Variants in CNTNAP4 observed in about 807,000 individuals in gnomAD.
CNTNAP4 encodes the protein contactin-associated protein-like 4.
In CNTNAP4, 98 loss-of-function variants were observed where a neutral mutation model predicts 148.4. The ratio of observed to expected loss-of-function variants is 0.66; its 90% CI spans 0.56 to 0.78. CNTNAP4 has a LOEUF of 0.78. Ranked by LOEUF, CNTNAP4 falls within the 30% of genes least tolerant of loss-of-function variation. The pLI is 0.00. For missense variants in CNTNAP4, 1,935 were observed against 1,565.6 expected, an observed-to-expected ratio of 1.24 and a Z score of -3.98; for synonymous variants, 730 against 565.1, an observed-to-expected ratio of 1.29 and a Z score of -4.14.
chr16:76,300,080 C>T (rs184028044), intron 1 of CNTNAP4, among the ~76,000 whole-genome samples: 14 of 152,008 alleles, frequency 9.2e-5, no homozygotes, highest in East Asian at 5.8e-4. Context: ...ACCAACACGG[C>T]GCATGTATAC....
At chr16:76,500,087 G>A (rs1013540175) in intron 15 of CNTNAP4, among the ~76,000 whole-genome samples, 6 of 152,108 alleles carry the variant, frequency 3.9e-5, no homozygotes, top group Non-Finnish European at 8.8e-5. Context: ...CCTCCCTGAC[G>A]GGGTGGCGGC....
chr16:76,345,083 C>G (rs183911056), intron 2 of CNTNAP4, among the ~76,000 whole-genome samples: 2 of 152,342 alleles, frequency 1.3e-5, no homozygotes, highest in East Asian at 1.9e-4. Context: ...TGAATGGTCT[C>G]TTGGCAAAGA....
At chr16:76,408,524 G>A (rs984476431) in intron 3 of CNTNAP4, among the ~76,000 whole-genome samples, 10 of 151,190 alleles carry the variant, frequency 6.6e-5, no homozygotes, top group South Asian at 2.1e-4. Context: ...TTTCTCCCCC[G>A]TGCAACTCTT....
chr16:76,523,887 G>A (rs777670074), intron 17 of CNTNAP4, among the ~76,000 whole-genome samples: 17 of 152,262 alleles, frequency 1.1e-4, no homozygotes, highest in Middle Eastern at 3.4e-3. Context: ...CTATGATCAC[G>A]CTACTGCACT....
chr16:76,289,320 G>T (rs931761301), intron 1 of CNTNAP4, among the ~76,000 whole-genome samples: 2 of 152,084 alleles, frequency 1.3e-5, no homozygotes, highest in Admixed American at 6.5e-5. Context: ...ACTCCATCCA[G>T]TTTGGACTTC....
At chr16:76,317,977 C>T (rs946583669) in intron 2 of CNTNAP4, among the ~76,000 whole-genome samples, 1 of 151,862 alleles carries the variant, frequency 6.6e-6, no homozygotes, top group Non-Finnish European at 1.5e-5. Context: ...ATAATGCTAG[C>T]GTTTTCTTTT....
chr16:76,474,582 T>C (rs2081495686), intron 10 of CNTNAP4, among the ~76,000 whole-genome samples: 1 of 152,180 alleles, frequency 6.6e-6, no homozygotes, highest in South Asian at 2.1e-4. Flanking sequence ...ATCACAAATG[T>C]GTTCTTGCAG....
intron 18 of CNTNAP4, among the ~76,000 whole-genome samples, chr16:76,537,560 T>C (rs1470082566): frequency 6.6e-6 from 1 of 152,120 alleles, no homozygotes; most frequent in Non-Finnish European, 1.5e-5. Flanking sequence ...TTAGTTCTGT[T>C]TGTTGATCCT....
intron 15 of CNTNAP4, among the ~76,000 whole-genome samples, chr16:76,512,997 G>C (rs779275304): frequency 6.6e-6 from 1 of 152,156 alleles, no homozygotes; most frequent in Non-Finnish European, 1.5e-5. Flanking sequence ...GCCTCAGATA[G>C]ATTCAAGGAA....
intron 2 of CNTNAP4, among the ~76,000 whole-genome samples, chr16:76,324,643 A>C (rs1028428172): frequency 3.9e-5 from 6 of 152,100 alleles, no homozygotes; most frequent in Non-Finnish European, 7.4e-5. Context: ...GTCTGGCTAT[A>C]TGAATAATTA....
At chr16:76,398,245 A>G (rs1344199909) in intron 3 of CNTNAP4, among the ~76,000 whole-genome samples, 1 of 150,046 alleles carries the variant, frequency 6.7e-6, no homozygotes, top group Non-Finnish European at 1.5e-5. Flanking sequence ...ACCCTGGTTG[A>G]GGATGGTTCT....
intron 1 of CNTNAP4, among the ~76,000 whole-genome samples, chr16:76,296,801 A>G (rs1959353512): frequency 1.3e-5 from 2 of 152,170 alleles, no homozygotes; most frequent in African/African-American, 2.4e-5. Context: ...ATTATTGACC[A>G]TATTTGATAC....
chr16:76,288,038 A>G (rs1958958247), intron 1 of CNTNAP4, among the ~76,000 whole-genome samples: 1 of 151,896 alleles, frequency 6.6e-6, no homozygotes, highest in African/African-American at 2.4e-5. Context: ...CCCAAATCTC[A>G]CCTTGAATTG....
chr16:76,393,004 C>T (rs2078079632), intron 3 of CNTNAP4, among the ~76,000 whole-genome samples: 1 of 152,118 alleles, frequency 6.6e-6, no homozygotes, highest in African/African-American at 2.4e-5. Context: ...TCATTTTTAT[C>T]GTAAGTATTT....
chr16:76,544,092 C>G (rs1213151285), intron 21 of CNTNAP4, among the ~76,000 whole-genome samples: 3 of 151,934 alleles, frequency 2.0e-5, no homozygotes, highest in Non-Finnish European at 2.9e-5. Flanking sequence ...GTAATGTGCC[C>G]CAATATTGCT....
At chr16:76,312,190 C>G (rs189283507) in intron 1 of CNTNAP4, among the ~76,000 whole-genome samples, 41 of 152,274 alleles carry the variant, frequency 2.7e-4, no homozygotes, top group African/African-American at 9.9e-4. Context: ...GAAGGCTACC[C>G]TGTGTTTTGT....
chr16:76,460,741 A>C (rs8044099), intron 8 of CNTNAP4, among the ~76,000 whole-genome samples: 28,177 of 96,938 alleles, frequency 0.29, 4,632 homozygotes, highest in Non-Finnish European at 0.39. Context: ...CGACAGAGCC[A>C]GACTCATGTC....
chr16:76,431,538 G>T (rs2079604670), intron 4 of CNTNAP4, among the ~76,000 whole-genome samples: 1 of 152,142 alleles, frequency 6.6e-6, no homozygotes, highest in Admixed American at 6.6e-5. Flanking sequence ...AATTAGCCGG[G>T]CGTGGCAGCG....
chr16:76,423,144 C>T (rs1052806552), intron 3 of CNTNAP4, among the ~76,000 whole-genome samples: 1 of 152,118 alleles, frequency 6.6e-6, no homozygotes, highest in African/African-American at 2.4e-5. Context: ...GACTTTCCAG[C>T]CTCCAGAACT....
Sources: gnomAD v4.1 joint callset for allele counts (sites outside exome capture counted in the v4.1 genomes callset) on GRCh38, gnomAD v4.1.1 for gene constraint, MANE v1.5 for transcripts, NCBI Gene and HGNC (gene_info 2026-07-23, HGNC 2026-07-21) for gene names.